TP53AIP1: variants seen among roughly 807,000 people sequenced by gnomAD.
TP53AIP1 encodes the protein tumor protein p53 regulated apoptosis inducing protein 1, also known as p53-regulated apoptosis-inducing protein 1.
TP53AIP1 carries 14 observed loss-of-function variants against 9.5 expected under a neutral mutation model. That is an observed-to-expected ratio of 1.47 (90% CI 0.97 to 2.30). The LOEUF is 2.30. Among genes scored for constraint, TP53AIP1 ranks in the 30% most tolerant of loss-of-function variants. TP53AIP1 has a pLI of 0.00. For missense variants in TP53AIP1, 153 were observed against 146.7 expected (o/e 1.04, Z -0.22); for synonymous variants, 73 against 61.2 (o/e 1.19, Z -0.90).
Position 128,937,627 on chromosome 11 carries a change from C to G in TP53AIP1, c.141+51G>C. On this transcript the variant is annotated intron_variant, in intron 2 of 3. Transcript: ENST00000531399. The surrounding 1 kb of genome is among the most constrained non-coding windows in gnomAD (Gnocchi z 4.8). ...CACCACGGTGAGAGCAGAGTCTGCCCGGGGCTGTGGCAGGCAAAAGACCGT... is the reference window on the plus strand; with the variant it reads ...CACCACGGTGAGAGCAGAGTCTGCCGGGGGCTGTGGCAGGCAAAAGACCGT... 4 of 1,614,108 alleles carry G rather than the reference C, an allele frequency of 2.5e-6. No individual in the cohort carries two copies. The highest frequency in any genetic ancestry group is 3.4e-6 in the Non-Finnish European group (4 of 1,179,998).
chr11:128,935,576 T>C lies in TP53AIP1; in HGVS notation c.*15A>G, dbSNP rs780246490. On this transcript the variant is annotated 3_prime_UTR_variant, in exon 4 of 4. Coordinates refer to ENST00000531399, the MANE Select transcript of TP53AIP1 (RefSeq NM_022112.3). Reference sequence around the variant, plus strand: ...CTCTGTCGCCCAGGCTGGAGTGCAGTGGCGTGATCTCGGCTCACTGCAACC... The same window carrying C: ...CTCTGTCGCCCAGGCTGGAGTGCAGCGGCGTGATCTCGGCTCACTGCAACC... 9.0e-5 allele frequency: 139 copies of C among 1,550,128 alleles called. No homozygotes were observed. Among genetic ancestry groups the C allele is most frequent in the Non-Finnish European group, 1.1e-4 (131 of 1,155,258 alleles).
chr11:128,936,751 G>A, intron 2 of TP53AIP1, 102 bp from the exon 3 acceptor site: 2 of 1,457,550 alleles, frequency 1.4e-6, no homozygotes, highest in Non-Finnish European at 9.0e-7. Flanking sequence ...TGGCATCCAG[G>A]GGCATTTCAC....
At chr11:128,935,293 CAG>C (rs1944789755), downstream of TP53AIP1, 1 of 1,424,564 alleles carries the variant, frequency 7.0e-7, no homozygotes, top group Admixed American at 2.9e-5. Flanking sequence ...CTTTTCCTTG[CAG>C]AGTTTTGTGG....
chr11:128,937,637 G>C lies in TP53AIP1; in HGVS notation c.141+41C>G. 6.2e-7 allele frequency: 1 copy of C among 1,614,192 alleles called. No homozygotes were observed. On this transcript the variant is annotated intron_variant, in intron 2 of 3. Coordinates refer to ENST00000531399, the MANE Select transcript of TP53AIP1 (RefSeq NM_022112.3). This position sits in a 1 kb window ranked among gnomAD's most constrained non-coding sequence, Gnocchi z 4.8. ...AGAGCAGAGTCTGCCCGGGGCTGTGGCAGGCAAAAGACCGTCTCGGTTTTC... is the reference window on the plus strand; with the variant it reads ...AGAGCAGAGTCTGCCCGGGGCTGTGCCAGGCAAAAGACCGTCTCGGTTTTC...
chr11:128,935,337 A>G (rs1213472212), downstream of TP53AIP1: 3 of 1,417,746 alleles, frequency 2.1e-6, no homozygotes, highest in East Asian at 2.6e-5. Context: ...TAGCAAGTGG[A>G]TATTATAGAT....
downstream of TP53AIP1, chr11:128,934,916 C>T (rs1944780115): frequency 5.8e-6 from 4 of 692,974 alleles, no homozygotes; most frequent in East Asian, 2.7e-5. Flanking sequence ...TGCAGCCCAC[C>T]CAGGGAAGCT....
At chr11:128,938,132 C>T (rs990081577) in intron 1 of TP53AIP1, among the ~76,000 whole-genome samples, 1 of 152,146 alleles carries the variant, frequency 6.6e-6, no homozygotes, top group Admixed American at 6.5e-5. Flanking sequence ...GAGTTAGGAG[C>T]GTTGTCGTTA....
chr11:128,935,845 T>C (rs1188141422), intron 3 of TP53AIP1, 133 bp from the exon 4 acceptor site: 14 of 1,367,408 alleles, frequency 1.0e-5, no homozygotes, highest in Non-Finnish European at 1.1e-5. Context: ...CAATCCATTG[T>C]AAGGCACATC....
In TP53AIP1 at chr11:128,936,743, G is replaced by C. The variant is rs1805510987; in HGVS notation, c.142-94C>G. 4 of 1,459,340 alleles carry C rather than the reference G, an allele frequency of 2.7e-6. No homozygotes were observed. The Admixed American group carries it at 1.1e-4, about 39-fold the overall frequency. 90.4% of individuals were successfully genotyped at this position (1,459,340 alleles called of 1,614,324 possible). On this transcript the variant is annotated intron_variant, in intron 2 of 3. Coordinates refer to ENST00000531399, the MANE Select transcript of TP53AIP1 (RefSeq NM_022112.3). ...GCAGGTTTTCCCCTAGGTATTCATG[G>C]CATCCAGGGGCATTTCACCTCAGCA...
chr11:128,934,956 C>T (rs1233670153), downstream of TP53AIP1: 1 of 702,142 alleles, frequency 1.4e-6, no homozygotes, highest in Non-Finnish European at 2.6e-6. Context: ...GCTTTTCCCC[C>T]ATTGGTTAAG....
chr11:128,942,060 G>A (rs77166449), intron 1 of TP53AIP1, among the ~76,000 whole-genome samples: 1,626 of 152,194 alleles, frequency 0.011, 30 homozygotes, highest in African/African-American at 0.037. Flanking sequence ...CCATACCTGT[G>A]GCAGTCCTGG....
At chr11:128,936,422 G>A in intron 3 of TP53AIP1, 116 bp downstream of exon 3, 1 of 1,414,768 alleles carries the variant, frequency 7.1e-7, no homozygotes. Context: ...CAAATTTCAG[G>A]AGAGGGTCAA....
Position 128,939,359 on chromosome 11 carries a change from C to T in TP53AIP1, c.-76-1465G>A, listed in dbSNP as rs1944898485. ...CCTGCGGCCCATTGCTCACTCCCCG[C>T]AGAGGCAGGGGCAGCTGACTGCTGT... On this transcript the variant is annotated intron_variant, in intron 1 of 3. Transcript: ENST00000531399. The surrounding 1 kb of genome is among the most constrained non-coding windows in gnomAD (Gnocchi z 4.1). 6.6e-6 allele frequency among the ~76,000 whole-genome samples: 1 copy of T among 152,180 alleles called. No individual in the cohort carries two copies. Among genetic ancestry groups the T allele is most frequent in the African/African-American group, 2.4e-5 (1 of 41,448 alleles).
rs1317765740 is a variant in TP53AIP1 at position 128,937,845 on chromosome 11, C to A, written c.-27G>T. 1 of 1,582,316 alleles carries A rather than the reference C, an allele frequency of 6.3e-7. No individual in the cohort carries two copies. The highest frequency in any genetic ancestry group is 1.1e-5 in the South Asian group (1 of 87,420). On this transcript the variant is annotated 5_prime_UTR_variant, in exon 2 of 4. Coordinates refer to ENST00000531399, the MANE Select transcript of TP53AIP1 (RefSeq NM_022112.3). The surrounding 1 kb of genome is among the most constrained non-coding windows in gnomAD (Gnocchi z 4.8). ...CAGGGGAGGCCCTGTCTGCAGAAAG[C>A]AGAGAACTTGGCTTCTCCTCATTTG... is the stretch of plus-strand genomic sequence containing the variant.
rs1565330492 is a variant in TP53AIP1 at position 128,937,664 on chromosome 11, CT to C, written c.141+13del. ...AGGCAAAAGACCGTCTCGGTTTTCA[CT>C]GCAGGGACTTACCCAGCCAGGTGTG... On this transcript the variant is annotated intron_variant, in intron 2 of 3. Coordinates refer to ENST00000531399, the MANE Select transcript of TP53AIP1 (RefSeq NM_022112.3). This position sits in a 1 kb window ranked among gnomAD's most constrained non-coding sequence, Gnocchi z 4.8. 6.2e-7 allele frequency: 1 copy of C among 1,614,214 alleles called. No homozygotes were observed. The highest frequency in any genetic ancestry group is 2.2e-5 in the East Asian group (1 of 44,888).
rs1447997975 is a variant in TP53AIP1 at position 128,937,199 on chromosome 11, C to T, written c.141+479G>A. 8 of 1,176,488 alleles carry T rather than the reference C, an allele frequency of 6.8e-6. No homozygotes were observed. Among genetic ancestry groups the T allele is most frequent in the Admixed American group, 4.2e-5 (1 of 23,544 alleles). 72.9% of individuals were successfully genotyped at this position (1,176,488 alleles called of 1,614,324 possible). On this transcript the variant is annotated intron_variant, in intron 2 of 3. Coordinates refer to ENST00000531399, the MANE Select transcript of TP53AIP1 (RefSeq NM_022112.3). This position sits in a 1 kb window ranked among gnomAD's most constrained non-coding sequence, Gnocchi z 4.8. ...CATCTTCATTATTGGCCACAGGAAA[C>T]GACTTCTTGGAGTAAGTGACTGGTG...
chr11:128,936,924 C>T, intron 2 of TP53AIP1: 1 of 1,213,606 alleles, frequency 8.2e-7, no homozygotes, highest in South Asian at 2.3e-5. Context: ...CTTCCTCCCT[C>T]CCATCACCAC....
intron 1 of TP53AIP1, among the ~76,000 whole-genome samples, chr11:128,940,383 C>T (rs1172603211): frequency 6.6e-6 from 1 of 152,214 alleles, no homozygotes; most frequent in Admixed American, 6.5e-5. Context: ...GTTTCCCCCG[C>T]AAAATCCAGG....
chr11:128,941,454 G>A (rs895125921), intron 1 of TP53AIP1, among the ~76,000 whole-genome samples: 1 of 152,152 alleles, frequency 6.6e-6, no homozygotes, highest in Non-Finnish European at 1.5e-5. Context: ...TGGATCCCTG[G>A]TGTGTGATGT....
Sources: gnomAD v4.1 joint callset for allele counts (sites outside exome capture counted in the v4.1 genomes callset) on GRCh38, gnomAD v4.1.1 for gene constraint, Gnocchi (gnomAD v3.1) non-coding constraint, MANE v1.5 for transcripts, NCBI Gene and HGNC (gene_info 2026-07-23, HGNC 2026-07-21) for gene names.